ADGRV1: variants seen among roughly 807,000 people sequenced by gnomAD.
ADGRV1 encodes G-protein coupled receptor 98.
ADGRV1 carries 359 observed loss-of-function variants against 596.2 expected under a neutral mutation model. The ratio of observed to expected loss-of-function variants is 0.60; its 90% CI spans 0.55 to 0.66. The LOEUF is 0.66. ADGRV1 is among the 30% of genes least tolerant of loss of function. The pLI is 0.00. For synonymous variants in ADGRV1, 2,681 were observed against 2,679.2 expected (o/e 1.00, Z -0.02); for missense variants, 7,274 against 7,575.6 (o/e 0.96, Z 1.48).
chr5:90,927,408 T>C (rs1581538065), intron 83 of ADGRV1, among the ~76,000 whole-genome samples: 1 of 152,234 alleles, frequency 6.6e-6, no homozygotes, highest in East Asian at 1.9e-4. Flanking sequence ...TTGTCTCTTT[T>C]GATCTTTGTT....
In ADGRV1 at chr5:90,720,607, A is replaced by G. The variant is rs114395332; in HGVS notation, c.9624-328A>G. ...TGATTGTGGTTTTAAAATTTCTTCT[A>G]GAGGCTGACAAATATTTATTTTTTA... On this transcript the variant is annotated intron_variant, in intron 44 of 89. Coordinates refer to ENST00000405460, the MANE Select transcript of ADGRV1 (RefSeq NM_032119.4). 0.023 allele frequency among the ~76,000 whole-genome samples: 3,430 copies of G among 152,028 alleles called. 123 individuals carry two copies. The highest frequency in any genetic ancestry group is 0.08 in the African/African-American group (3,324 of 41,532).
chr5:91,006,956 G>C (rs1782332911), intron 85 of ADGRV1, among the ~76,000 whole-genome samples: 1 of 152,122 alleles, frequency 6.6e-6, no homozygotes, highest in Admixed American at 6.5e-5. Flanking sequence ...ATAAGTGGAA[G>C]TGCCTGCAAG....
chr5:90,658,521 G>A (rs961286433), intron 21 of ADGRV1, among the ~76,000 whole-genome samples: 5 of 152,098 alleles, frequency 3.3e-5, no homozygotes, highest in Admixed American at 1.3e-4. Context: ...TTAGCAATTC[G>A]CCTGAAAGTT....
intron 57 of ADGRV1, among the ~76,000 whole-genome samples, chr5:90,757,900 A>G (rs2149987915): frequency 6.6e-6 from 1 of 152,322 alleles, no homozygotes; most frequent in Admixed American, 6.5e-5. Context: ...TTACCAGAGT[A>G]TGCGTCAACT....
chr5:91,048,783 C>T (rs1000213137), intron 85 of ADGRV1, among the ~76,000 whole-genome samples: 1 of 152,084 alleles, frequency 6.6e-6, no homozygotes, highest in Non-Finnish European at 1.5e-5. Context: ...GCCTTAGGTT[C>T]TTGATCAAAA....
Position 90,704,361 on chromosome 5 carries a change from G to A in ADGRV1, c.8287-28G>A, listed in dbSNP as rs200817498. 2.9e-4 allele frequency: 380 copies of A among 1,329,694 alleles called. 2 individuals are homozygous for A. The highest frequency in any genetic ancestry group is 2.5e-3 in the East Asian group (102 of 40,458). The allele number at this position is 1,329,694 out of a possible 1,614,324, so 82.4% of individuals were successfully genotyped here. On this transcript the variant is annotated intron_variant, in intron 35 of 89. Coordinates refer to ENST00000405460, the MANE Select transcript of ADGRV1 (RefSeq NM_032119.4). ...ATAGTTCATATTCAATAACGACAGCGGGATTGATTTCTTTCTGTATGACAT... is the reference window on the plus strand; with the variant it reads ...ATAGTTCATATTCAATAACGACAGCAGGATTGATTTCTTTCTGTATGACAT...
rs541569596 is a variant in ADGRV1 at position 90,968,082 on chromosome 5, T to G, written c.17973+2551T>G. Among the ~76,000 whole-genome samples, 4 of 152,238 alleles carry G rather than the reference T, an allele frequency of 2.6e-5. No homozygotes were observed. In the East Asian group the frequency reaches 7.7e-4, roughly 29 times the overall value. ...TTGAGGCAGCTGGACATAACTAACC[T>G]GGAAAGAATTTAGGTAAATGTGATG... On this transcript the variant is annotated intron_variant, in intron 84 of 89. Coordinates refer to ENST00000405460, the MANE Select transcript of ADGRV1 (RefSeq NM_032119.4).
At chr5:91,062,413 A>G (rs1787518767) in intron 85 of ADGRV1, among the ~76,000 whole-genome samples, 1 of 152,218 alleles carries the variant, frequency 6.6e-6, no homozygotes, top group Non-Finnish European at 1.5e-5. Flanking sequence ...AGAACTAGTC[A>G]TCTGTGGCTG....
intron 84 of ADGRV1, among the ~76,000 whole-genome samples, chr5:90,980,338 T>C (rs573912217): frequency 3.0e-4 from 46 of 152,342 alleles, no homozygotes; most frequent in African/African-American, 1.1e-3. Context: ...CTGAAAATAT[T>C]TTGGAATTTT....
At chr5:91,044,236 T>G (rs1381057301) in intron 85 of ADGRV1, among the ~76,000 whole-genome samples, 2 of 152,140 alleles carry the variant, frequency 1.3e-5, no homozygotes, top group Non-Finnish European at 2.9e-5. Flanking sequence ...TATGAAACAC[T>G]TAAGATTGTC....
intron 85 of ADGRV1, among the ~76,000 whole-genome samples, chr5:90,985,788 C>A (rs1780442211): frequency 6.6e-6 from 1 of 151,972 alleles, no homozygotes; most frequent in African/African-American, 2.4e-5. Flanking sequence ...TAGATTGGAG[C>A]AAACTAATAT....
intron 1 of ADGRV1, among the ~76,000 whole-genome samples, chr5:90,584,109 C>T (rs1239349252): frequency 6.6e-6 from 1 of 152,080 alleles, no homozygotes; most frequent in Admixed American, 6.6e-5. Flanking sequence ...ACTAATAGTA[C>T]CTATATTATA....
intron 48 of ADGRV1, among the ~76,000 whole-genome samples, chr5:90,727,384 A>G (rs1561608814): frequency 6.6e-6 from 1 of 152,072 alleles, no homozygotes; most frequent in Non-Finnish European, 1.5e-5. Context: ...AAGTGAAGAC[A>G]TTTTGTCTCT....
At chr5:91,162,614 G>C (rs1797049994) in intron 89 of ADGRV1, among the ~76,000 whole-genome samples, 1 of 152,196 alleles carries the variant, frequency 6.6e-6, no homozygotes, top group Non-Finnish European at 1.5e-5. Context: ...CAGCAGATCA[G>C]AGGATAAGAT....
At chr5:90,631,119 AAATAATTTATTCTTCAG>A (rs1334742281) in intron 9 of ADGRV1, among the ~76,000 whole-genome samples, 1 of 152,190 alleles carries the variant, frequency 6.6e-6, no homozygotes, top group African/African-American at 2.4e-5. Context: ...TTCTGGATTA[AAATAATTTATTCTTCAG>A]AACTTGAAAG....
chr5:90,576,151 A>G (rs760121727), intron 1 of ADGRV1, among the ~76,000 whole-genome samples: 46 of 152,068 alleles, frequency 3.0e-4, no homozygotes, highest in Non-Finnish European at 5.9e-4. Flanking sequence ...TCTAGGGTAC[A>G]TGTGCACAAT....
intron 66 of ADGRV1, 83 bp from the exon 67 acceptor site, chr5:90,783,755 A>G (rs1759115227): frequency 1.2e-5 from 13 of 1,060,738 alleles, no homozygotes; most frequent in Non-Finnish European, 1.8e-5. Context: ...TGTATGACCA[A>G]TTTGGAAAAT....
At chr5:90,800,840 C>T (rs1361532987) in intron 70 of ADGRV1, among the ~76,000 whole-genome samples, 2 of 152,170 alleles carry the variant, frequency 1.3e-5, no homozygotes, top group Non-Finnish European at 2.9e-5. Context: ...CCAGGCACCA[C>T]GTGTTCTCAC....
Position 90,694,258 on chromosome 5 carries a change from G to C in ADGRV1, c.7502G>C (p.Ser2501Thr), listed in dbSNP as rs781076230. The C allele has an allele frequency of 1.9e-6, 3 of 1,613,972 alleles. No individual in the cohort carries two copies. The highest frequency in any genetic ancestry group is 2.5e-6 in the Non-Finnish European group (3 of 1,179,860). The change falls in exon 33 of 90, where the codon AGT becomes ACT. Residue 2501 changes from serine (S) to threonine (T), a missense_variant. Coordinates refer to ENST00000405460, the MANE Select transcript of ADGRV1 (RefSeq NM_032119.4). ...SLFSGQAVAG[S>T]DYEPVTRQWA... ...TTTAGTGGTCAGGCTGTGGCTGGGA[G>C]TGACTATGAGCCTGTGACAAGGCAA...
Sources: allele counts gnomAD v4.1 joint callset (sites outside exome capture counted in the v4.1 genomes callset), GRCh38; gene constraint gnomAD v4.1.1; transcripts MANE v1.5; gene names NCBI Gene and HGNC (gene_info 2026-07-23, HGNC 2026-07-21).